Variants in SLC25A42 observed in about 807,000 individuals in gnomAD.
SLC25A42 encodes mitochondrial coenzyme A transporter SLC25A42.
SLC25A42 carries 19 observed loss-of-function variants against 34.7 expected under a neutral mutation model. The observed-to-expected ratio is 0.55, with a 90% confidence interval of 0.38 to 0.80. The LOEUF (loss-of-function observed/expected upper bound fraction) is 0.80, where lower values mean the gene tolerates loss of function less well. Ranked by LOEUF, SLC25A42 falls within the 30% of genes least tolerant of loss-of-function variation. The pLI is 0.00. For synonymous variants in SLC25A42, 205 were observed against 191.2 expected (o/e 1.07, Z -0.59); for missense variants, 364 against 441.3 (o/e 0.82, Z 1.57).
rs370552159 is a variant in SLC25A42 at position 19,104,957 on chromosome 19, G to T, written c.213+19G>T. The T allele has an allele frequency of 3.2e-5, 51 of 1,614,010 alleles. No homozygotes were observed. The African/African-American group carries it at 6.0e-4, about 19-fold the overall frequency. On this transcript the variant is annotated intron_variant, in intron 4 of 7. Transcript: ENST00000318596. Reference sequence around the variant, plus strand: ...TGCCAAGGTGAGCCACTATGTCACCGCCCCGGCCTGGGGACAGTCACCACT... The same window carrying T: ...TGCCAAGGTGAGCCACTATGTCACCTCCCCGGCCTGGGGACAGTCACCACT...
intron 1 of SLC25A42, among the ~76,000 whole-genome samples, chr19:19,078,104 T>G (rs1159489444): frequency 6.6e-6 from 1 of 152,200 alleles, no homozygotes; most frequent in African/African-American, 2.4e-5. Flanking sequence ...TGCCATGATA[T>G]GCTGCTGGGC....
intron 7 of SLC25A42, among the ~76,000 whole-genome samples, chr19:19,110,041 G>A (rs1211055612): frequency 3.9e-5 from 6 of 152,126 alleles, no homozygotes; most frequent in African/African-American, 1.4e-4. Flanking sequence ...CTGTGTTTCT[G>A]CCTTTTAAGA....
intron 1 of SLC25A42, among the ~76,000 whole-genome samples, chr19:19,094,937 G>A (rs1479729857): frequency 1.3e-5 from 2 of 152,126 alleles, no homozygotes; most frequent in African/African-American, 4.8e-5. Context: ...GCTCATGCTT[G>A]TAATCCCAGC....
intron 1 of SLC25A42, among the ~76,000 whole-genome samples, chr19:19,078,842 A>C (rs1030505212): frequency 7.9e-5 from 12 of 151,332 alleles, no homozygotes; most frequent in Admixed American, 1.3e-4. Flanking sequence ...ATAACTTGAA[A>C]GTTACCATTG....
At chr19:19,074,394 C>G (rs187409402) in intron 1 of SLC25A42, among the ~76,000 whole-genome samples, 206 of 152,330 alleles carry the variant, frequency 1.4e-3, no homozygotes, top group Non-Finnish European at 1.9e-3. Flanking sequence ...GAAAAGAAAA[C>G]AGCCTTTATC....
chr19:19,096,427 C>G (rs925845763), intron 2 of SLC25A42, among the ~76,000 whole-genome samples: 2 of 151,994 alleles, frequency 1.3e-5, no homozygotes, highest in African/African-American at 4.8e-5. Flanking sequence ...AGTGGTGGAG[C>G]CTCTCTGCTC....
rs2059732009 is a variant in SLC25A42 at position 19,090,407 on chromosome 19, G to C, written c.-34-5684G>C. Among the ~76,000 whole-genome samples the C allele has an allele frequency of 4.6e-5, 5 of 108,884 alleles. No individual in the cohort carries two copies. In the South Asian group the frequency reaches 1.7e-3, roughly 36 times the overall value. The allele number at this position is 108,884 out of a possible 152,430, so 71.4% of individuals were successfully genotyped here. On this transcript the variant is annotated intron_variant, in intron 1 of 7. Transcript: ENST00000318596. ...AAGCAGACAAATTTATTTAAAACAA[G>C]TTTTACGTGTCTTGGGAGCCCTTTA...
In SLC25A42 at chr19:19,110,896, A is replaced by C. The variant is rs780267496; in HGVS notation, c.*20A>C. ...AGCTAGGGGACCCTGAGCTGCTCTC[A>C]GGACGGTGGACCGGTGACCCCTTTG... On this transcript the variant is annotated 3_prime_UTR_variant, in exon 8 of 8. Coordinates refer to ENST00000318596, the MANE Select transcript of SLC25A42 (RefSeq NM_178526.5). 6 of 1,612,688 alleles carry C rather than the reference A, an allele frequency of 3.7e-6. No individual in the cohort carries two copies. The African/African-American group carries it at 8.0e-5, about 22-fold the overall frequency.
Position 19,104,917 on chromosome 19 carries a change from T to C in SLC25A42, c.192T>C (p.Ser64=), listed in dbSNP as rs1189255205. ...TTGTGCTTTTGTTTTTTCCAGTGTCTTCAAAAAGATTTTCTGCCAAGGTGA... is the reference window on the plus strand; with the variant it reads ...TTGTGCTTTTGTTTTTTCCAGTGTCCTCAAAAAGATTTTCTGCCAAGGTGA... ...LDRTKIIFQV[S]SKRFSAKEAF... Residue 64 remains serine, a synonymous_variant, in exon 4 of 8, where the codon TCT becomes TCC. Coordinates refer to ENST00000318596, the MANE Select transcript of SLC25A42 (RefSeq NM_178526.5). The C allele has an allele frequency of 2.5e-6, 4 of 1,614,038 alleles. No homozygotes were observed. The African/African-American group carries it at 5.3e-5, about 22-fold the overall frequency.
At chr19:19,089,489 G>A (rs992491407) in intron 1 of SLC25A42, among the ~76,000 whole-genome samples, 2 of 150,828 alleles carry the variant, frequency 1.3e-5, no homozygotes, top group African/African-American at 4.9e-5. Flanking sequence ...GATCGCAGCA[G>A]TGCACTCCAG....
In SLC25A42 at chr19:19,105,274, C is replaced by G. The variant is rs999235476; in HGVS notation, c.214-287C>G. 1.3e-4 allele frequency: 74 copies of G among 573,114 alleles called. No homozygotes were observed. In the African/African-American group the frequency reaches 1.3e-3, roughly 10 times the overall value. The allele number at this position is 573,114 out of a possible 1,614,324, so 35.5% of individuals were successfully genotyped here. ...AAACACCAACAGACATGCCCTTGGGCAGGGCTCCGAGCTGCTTTGCAGCCT... is the reference window on the plus strand; with the variant it reads ...AAACACCAACAGACATGCCCTTGGGGAGGGCTCCGAGCTGCTTTGCAGCCT... On this transcript the variant is annotated intron_variant, in intron 4 of 7. Coordinates refer to ENST00000318596, the MANE Select transcript of SLC25A42 (RefSeq NM_178526.5).
chr19:19,097,730 A>G (rs1448578150), intron 2 of SLC25A42, among the ~76,000 whole-genome samples: 1 of 152,192 alleles, frequency 6.6e-6, no homozygotes, highest in Non-Finnish European at 1.5e-5. Context: ...TGGGAGGCCC[A>G]GGTGGGAGGA....
intron 1 of SLC25A42, among the ~76,000 whole-genome samples, chr19:19,084,750 C>T (rs1181623731): frequency 2.0e-5 from 3 of 152,162 alleles, no homozygotes; most frequent in Middle Eastern, 3.4e-3. Flanking sequence ...AAGTTGCCCT[C>T]CTATGCCCCT....
intron 1 of SLC25A42, among the ~76,000 whole-genome samples, chr19:19,074,294 G>C (rs1345437615): frequency 2.0e-5 from 3 of 152,208 alleles, no homozygotes; most frequent in Admixed American, 6.5e-5. Flanking sequence ...CCCCATTTGT[G>C]AGGCAGCCTG....
chr19:19,079,116 C>T (rs1260365145), intron 1 of SLC25A42, among the ~76,000 whole-genome samples: 6 of 151,720 alleles, frequency 4.0e-5, no homozygotes, highest in Non-Finnish European at 7.4e-5. Flanking sequence ...AGTGCAATGG[C>T]GCAATCTCGG....
chr19:19,101,672 A>G (rs2059796947), intron 2 of SLC25A42, 109 bp from the exon 3 acceptor site: 1 of 916,034 alleles, frequency 1.1e-6, no homozygotes, highest in Non-Finnish European at 1.7e-6. Context: ...AGGGTGGGGT[A>G]CATCCCTCGG....
intron 1 of SLC25A42, among the ~76,000 whole-genome samples, chr19:19,068,126 C>A (rs549737476): frequency 6.6e-6 from 1 of 152,144 alleles, no homozygotes; most frequent in South Asian, 2.1e-4. Context: ...GAGGCCGAGG[C>A]GGGCAGATCA....
At chr19:19,101,410 T>C (rs2059795540) in intron 2 of SLC25A42, among the ~76,000 whole-genome samples, 1 of 152,132 alleles carries the variant, frequency 6.6e-6, no homozygotes, top group Non-Finnish European at 1.5e-5. Flanking sequence ...CCCTGGTGCC[T>C]GTTTTCAGTC....
chr19:19,105,397 C>A (rs765140236), intron 4 of SLC25A42, among the ~76,000 whole-genome samples, 164 bp from the exon 5 acceptor site: 19 of 151,574 alleles, frequency 1.3e-4, no homozygotes, highest in Non-Finnish European at 2.2e-4. Flanking sequence ...TCAGTCTGGA[C>A]AAATCGGGGT....
Sources: allele counts gnomAD v4.1 joint callset (sites outside exome capture counted in the v4.1 genomes callset), GRCh38; gene constraint gnomAD v4.1.1; transcripts MANE v1.5; gene names NCBI Gene and HGNC (gene_info 2026-07-23, HGNC 2026-07-21).